The following DCHS2 variants were observed in gnomAD, a reference collection of about 807,000 sequenced individuals.
The protein encoded by DCHS2 is protocadherin-23.
A neutral mutation model predicts 182.4 loss-of-function variants in DCHS2; 142 were observed. That is an observed-to-expected ratio of 0.78 (90% CI 0.68 to 0.89). The LOEUF is 0.89. Among genes scored for constraint, DCHS2 ranks in the 40% least tolerant of loss-of-function variants. The pLI is 0.00. For synonymous variants in DCHS2, 1,740 were observed against 1,663.3 expected, an observed-to-expected ratio of 1.05 and a Z score of -1.12; for missense variants, 4,319 against 4,198.6, an observed-to-expected ratio of 1.03 and a Z score of -0.79.
Position 154,240,536 on chromosome 4 carries a change from C to T in DCHS2, c.7359+1G>A. The T allele has an allele frequency of 4.3e-6, 7 of 1,613,050 alleles. No homozygotes were observed. Among genetic ancestry groups the T allele is most frequent in the Non-Finnish European group, 5.1e-6 (6 of 1,179,354 alleles). On this transcript the variant is annotated splice_donor_variant, in intron 18 of 19. Transcript: ENST00000357232. LOFTEE classifies it high-confidence loss of function. ...TTTCGGCATCTCTTTAAGCCCTTTA[C>T]CTGATAGAAATCTTGAGAAAACACT...
intron 14 of DCHS2, among the ~76,000 whole-genome samples, chr4:154,261,500 C>T (rs1732982825): frequency 6.6e-6 from 1 of 152,196 alleles, no homozygotes; most frequent in Non-Finnish European, 1.5e-5. Context: ...TGTTCCGTAA[C>T]TATGGCCTGG....
intron 7 of DCHS2, among the ~76,000 whole-genome samples, chr4:154,326,359 T>C (rs1263185734): frequency 6.6e-6 from 1 of 152,230 alleles, no homozygotes; most frequent in Non-Finnish European, 1.5e-5. Flanking sequence ...TATTGGTTAC[T>C]GGACTATAAT....
At chr4:154,259,168 T>C (rs565546858) in intron 15 of DCHS2, among the ~76,000 whole-genome samples, 107 of 152,210 alleles carry the variant, frequency 7.0e-4, no homozygotes, top group African/African-American at 2.5e-3. Flanking sequence ...AGTGTAAATA[T>C]CCTTATTCTA....
rs771129316 is a variant in DCHS2, at chr4:154,234,722, G to A, written c.9930C>T (p.Arg3310=). ...NLGQVPPKHP[R]SPIPYHLGSL... is the part of the protein sequence containing the mutation. ...AACCAAGATGGTAGGGGATGGGAGA[G>A]CGTGGGTGTTTCGGAGGCACCTGCC... Residue 3310 remains arginine, a synonymous_variant, in exon 20 of 20, where the codon CGC becomes CGT. Transcript: ENST00000357232. 8.7e-6 allele frequency: 14 copies of A among 1,613,854 alleles called. No homozygotes were observed. The highest frequency in any genetic ancestry group is 1.6e-4 in the Middle Eastern group (1 of 6,076).
chr4:154,248,641 T>C (rs3991810), intron 16 of DCHS2, among the ~76,000 whole-genome samples: 130,160 of 152,190 alleles, frequency 0.86, 57,501 homozygotes, highest in East Asian at 1. Context: ...CAATCCTAAG[T>C]AAAAAGAAGA....
At chr4:154,411,316 G>C (rs1193480653) in intron 1 of DCHS2, among the ~76,000 whole-genome samples, 2 of 152,018 alleles carry the variant, frequency 1.3e-5, no homozygotes, top group African/African-American at 2.4e-5. Flanking sequence ...AACAAGTCTG[G>C]GGCGGGGCAC....
At chr4:154,243,680 C>T (rs941391532) in intron 16 of DCHS2, among the ~76,000 whole-genome samples, 3 of 152,140 alleles carry the variant, frequency 2.0e-5, no homozygotes, top group African/African-American at 7.2e-5. Flanking sequence ...GGACATGGGA[C>T]TTTCAGTGCT....
chr4:154,453,054 A>G (rs191741083), intron 1 of DCHS2, among the ~76,000 whole-genome samples: 9 of 152,290 alleles, frequency 5.9e-5, no homozygotes, highest in East Asian at 1.9e-4. Flanking sequence ...TGTAAGCTGA[A>G]GTCCAGGTCT....
chr4:154,447,660 A>G (rs1338368724), intron 1 of DCHS2, among the ~76,000 whole-genome samples: 2 of 152,204 alleles, frequency 1.3e-5, no homozygotes, highest in Non-Finnish European at 2.9e-5. Context: ...ACCATGAGGT[A>G]TTCTCAAGAG....
At chr4:154,237,188 C>A in intron 19 of DCHS2, 29 bp from the exon 20 acceptor site, 1 of 1,568,914 alleles carries the variant, frequency 6.4e-7, no homozygotes, top group Non-Finnish European at 8.6e-7. Context: ...TATTTCAACA[C>A]TGTGAGGTGC....
intron 12 of DCHS2, among the ~76,000 whole-genome samples, chr4:154,302,843 CAT>C (rs1268755404): frequency 2.1e-5 from 2 of 97,000 alleles, no homozygotes; most frequent in East Asian, 4.2e-4. Context: ...TATATACACA[CAT>C]ATATGAAATA....
chr4:154,403,444 G>A (rs938770129), intron 1 of DCHS2, among the ~76,000 whole-genome samples: 3 of 151,754 alleles, frequency 2.0e-5, no homozygotes, highest in African/African-American at 7.3e-5. Flanking sequence ...TAGTAATGTG[G>A]CTAATTTACA....
intron 17 of DCHS2, among the ~76,000 whole-genome samples, chr4:154,241,724 A>G (rs1214187100): frequency 6.6e-6 from 1 of 152,172 alleles, no homozygotes; most frequent in African/African-American, 2.4e-5. Context: ...GCCCATTGCT[A>G]TATTTTAACA....
intron 1 of DCHS2, among the ~76,000 whole-genome samples, chr4:154,451,908 G>A (rs953456775): frequency 6.6e-6 from 1 of 152,164 alleles, no homozygotes; most frequent in Admixed American, 6.5e-5. Flanking sequence ...AAAAATACTT[G>A]AAGATAATTG....
chr4:154,302,428 C>T (rs983979949), intron 12 of DCHS2, among the ~76,000 whole-genome samples: 8 of 152,182 alleles, frequency 5.3e-5, no homozygotes, highest in Non-Finnish European at 8.8e-5. Flanking sequence ...ACACACCTCA[C>T]TCCCTTCTTT....
At chr4:154,334,765 G>T in intron 4 of DCHS2, 103 bp downstream of exon 4, 1 of 895,074 alleles carries the variant, frequency 1.1e-6, no homozygotes. Context: ...GTTTTGACTT[G>T]CGTGGAAAGA....
intron 1 of DCHS2, among the ~76,000 whole-genome samples, chr4:154,456,430 C>T (rs900775072): frequency 1.3e-5 from 2 of 152,170 alleles, no homozygotes; most frequent in Non-Finnish European, 2.9e-5. Context: ...AGAAGATAAG[C>T]ACACAGAGAG....
At chr4:154,268,774 T>G (rs1039216489) in intron 14 of DCHS2, among the ~76,000 whole-genome samples, 8 of 152,272 alleles carry the variant, frequency 5.3e-5, no homozygotes, top group African/African-American at 1.9e-4. Context: ...AAATAAGTTA[T>G]CTAATCAAAA....
rs1279015292 is a variant in DCHS2, at chr4:154,489,652, C to T, written c.1704G>A (p.Glu568=). The change falls in exon 1 of 20, where the codon GAG becomes GAA. Residue 568 remains glutamate (E), a synonymous_variant. Transcript: ENST00000357232. ...GCAGCCAGGCGTGATCACTGCCTGC[C>T]TCGTCGGCATCGGAGGCGCTGACCC... ...VMWVSASDAD[E]AGSDHAWLRY... is the part of the protein sequence containing the mutation. The T allele has an allele frequency of 6.4e-7, 1 of 1,551,674 alleles. No homozygotes were observed.
Sources: allele counts gnomAD v4.1 joint callset (sites outside exome capture counted in the v4.1 genomes callset), GRCh38; gene constraint gnomAD v4.1.1; transcripts MANE v1.5; gene names NCBI Gene and HGNC (gene_info 2026-07-23, HGNC 2026-07-21).